The following TBC1D14 variants were observed in gnomAD, a reference collection of about 807,000 sequenced individuals.
TBC1D14 encodes TBC1 domain family, member 14.
TBC1D14 carries 26 observed loss-of-function variants against 79.0 expected under a neutral mutation model. The observed-to-expected ratio is 0.33, with a 90% CI of 0.24 to 0.46. The LOEUF is 0.46. Ranked by LOEUF, TBC1D14 falls within the 20% of genes least tolerant of loss-of-function variation. TBC1D14 has a pLI of 1.00. For synonymous variants in TBC1D14, 394 were observed against 349.9 expected, an observed-to-expected ratio of 1.13 and a Z score of -1.40; for missense variants, 769 against 887.6, an observed-to-expected ratio of 0.87 and a Z score of 1.70.
chr4:6,952,740 AG>A (rs1450339914), intron 2 of TBC1D14, among the ~76,000 whole-genome samples: 2 of 152,092 alleles, frequency 1.3e-5, no homozygotes, highest in Admixed American at 6.6e-5. Flanking sequence ...GGGCTTGAGG[AG>A]GATGATTCTG....
At chr4:6,915,881 G>A (rs1444807411) in intron 1 of TBC1D14, among the ~76,000 whole-genome samples, 1 of 151,804 alleles carries the variant, frequency 6.6e-6, no homozygotes. Context: ...TTGGCAGGCC[G>A]AGGTGGGCAG....
intron 13 of TBC1D14, among the ~76,000 whole-genome samples, chr4:7,029,476 T>A (rs544728036): frequency 1.1e-4 from 17 of 152,364 alleles, no homozygotes; most frequent in African/African-American, 4.1e-4. Context: ...CAGAGTTCTC[T>A]GCTTGGCGTG....
chr4:7,025,916 G>GA (rs200202148), intron 13 of TBC1D14, among the ~76,000 whole-genome samples: 1,920 of 150,786 alleles, frequency 0.013, 17 homozygotes, highest in Middle Eastern at 0.037. Flanking sequence ...TACTAAAAAG[G>GA]AAAAAAAAAC....
chr4:6,981,318 C>T (rs1011792518), intron 3 of TBC1D14, among the ~76,000 whole-genome samples: 7 of 152,160 alleles, frequency 4.6e-5, no homozygotes, highest in Non-Finnish European at 8.8e-5. Flanking sequence ...AGGTACTGCA[C>T]CAGCCACATA....
At chr4:7,028,878 C>T (rs1722753053) in intron 13 of TBC1D14, among the ~76,000 whole-genome samples, 1 of 151,856 alleles carries the variant, frequency 6.6e-6, no homozygotes, top group Non-Finnish European at 1.5e-5. Context: ...ACTCTCATTG[C>T]CGAGACTGGA....
chr4:6,974,527 A>C (rs1716539835), intron 3 of TBC1D14, among the ~76,000 whole-genome samples: 1 of 152,052 alleles, frequency 6.6e-6, no homozygotes, highest in Non-Finnish European at 1.5e-5. Context: ...GACTTGGAGA[A>C]CTCATCTCTG....
intron 2 of TBC1D14, among the ~76,000 whole-genome samples, chr4:6,927,868 G>T (rs1724413438): frequency 6.6e-6 from 1 of 152,230 alleles, no homozygotes; most frequent in Non-Finnish European, 1.5e-5. Flanking sequence ...GTAATTTGAG[G>T]ACGATTTTCA....
At chr4:6,912,551 A>C (rs775933761) in intron 1 of TBC1D14, among the ~76,000 whole-genome samples, 8 of 152,148 alleles carry the variant, frequency 5.3e-5, no homozygotes, top group Admixed American at 2.0e-4. Flanking sequence ...CATCAGTATC[A>C]CACGGCAGGT....
At chr4:6,970,922 G>T (rs1716167469) in intron 3 of TBC1D14, among the ~76,000 whole-genome samples, 1 of 139,388 alleles carries the variant, frequency 7.2e-6, no homozygotes, top group Non-Finnish European at 1.5e-5. Context: ...CTGGGGTCAG[G>T]TGTGCACACT....
At chr4:6,975,560 T>C (rs965184427) in intron 3 of TBC1D14, among the ~76,000 whole-genome samples, 9 of 152,132 alleles carry the variant, frequency 5.9e-5, no homozygotes, top group Non-Finnish European at 1.2e-4. Context: ...AACACAGATG[T>C]TGGAATTATT....
Position 7,006,273 on chromosome 4 carries a change from A to G in TBC1D14, c.1352-359A>G, listed in dbSNP as rs1165156725. Among the ~76,000 whole-genome samples the G allele has an allele frequency of 3.0e-5, 4 of 133,574 alleles. No individual in the cohort carries two copies. The South Asian group carries it at 8.6e-4, about 29-fold the overall frequency. 87.6% of individuals were successfully genotyped at this position (133,574 alleles called of 152,430 possible). On this transcript the variant is annotated intron_variant, in intron 8 of 13. Coordinates refer to ENST00000409757, the MANE Select transcript of TBC1D14 (RefSeq NM_020773.3). ...AAGATGTTTGAGATCGAGCAGTGAT[A>G]TATGTGTGTGTGTGTGTGTGTTTAT...
intron 5 of TBC1D14, 25 bp from the exon 6 acceptor site, chr4:6,999,060 T>C (rs1942374218): frequency 6.2e-7 from 1 of 1,610,136 alleles, no homozygotes; most frequent in Non-Finnish European, 8.5e-7. Flanking sequence ...AGTAGATTGT[T>C]GTTTTTCTAA....
intron 6 of TBC1D14, among the ~76,000 whole-genome samples, chr4:7,000,568 G>C (rs1344756845): frequency 6.6e-6 from 1 of 152,238 alleles, no homozygotes; most frequent in Admixed American, 6.5e-5. Context: ...GCTGTTGGCA[G>C]TGTGTGTTCC....
intron 3 of TBC1D14, 142 bp downstream of exon 3, chr4:6,967,566 C>A: frequency 9.0e-7 from 1 of 1,114,706 alleles, no homozygotes; most frequent in Non-Finnish European, 1.2e-6. Context: ...AGATTTAAGT[C>A]TGTATTCACA....
intron 2 of TBC1D14, among the ~76,000 whole-genome samples, chr4:6,947,661 CA>C (rs60601291): frequency 0.14 from 16,795 of 117,112 alleles, 977 homozygotes; most frequent in Middle Eastern, 0.23. Context: ...GATTCCGTCT[CA>C]AAAAAAAAAA....
chr4:7,001,074 G>A (rs1420193256), intron 6 of TBC1D14, 71 bp from the exon 7 acceptor site: 19 of 1,347,430 alleles, frequency 1.4e-5, no homozygotes, highest in South Asian at 2.4e-5. Flanking sequence ...GGTGGTTCGG[G>A]GCTAGGCACG....
intron 2 of TBC1D14, among the ~76,000 whole-genome samples, chr4:6,947,781 G>C (rs66905212): frequency 0.12 from 17,779 of 152,100 alleles, 1,540 homozygotes; most frequent in African/African-American, 0.24. Flanking sequence ...TATGACTTCA[G>C]GGAGAACACT....
intron 2 of TBC1D14, among the ~76,000 whole-genome samples, chr4:6,954,523 G>A (rs1371485836): frequency 9.2e-5 from 14 of 152,218 alleles, no homozygotes. Flanking sequence ...ATCTCTGAGT[G>A]CCCGAGCTCC....
At chr4:6,967,178 G>T in intron 2 of TBC1D14, 126 bp from the exon 3 acceptor site, 1 of 1,240,698 alleles carries the variant, frequency 8.1e-7, no homozygotes, top group Non-Finnish European at 1.1e-6. Context: ...TGAAAATCAA[G>T]TCTGAAGAAT....
Sources: allele counts gnomAD v4.1 joint callset (sites outside exome capture counted in the v4.1 genomes callset), GRCh38; gene constraint gnomAD v4.1.1; transcripts MANE v1.5; gene names NCBI Gene and HGNC (gene_info 2026-07-23, HGNC 2026-07-21).